UBASH3B: variants seen among roughly 807,000 people sequenced by gnomAD.
UBASH3B encodes the protein ubiquitin-associated and SH3 domain-containing protein B.
A neutral mutation model predicts 83.4 loss-of-function variants in UBASH3B; 37 were observed. The observed-to-expected ratio is 0.44, with a 90% confidence interval of 0.34 to 0.58. The LOEUF (loss-of-function observed/expected upper bound fraction) is 0.58. Among genes scored for constraint, UBASH3B ranks in the 20% least tolerant of loss-of-function variants. The pLI is 0.01. For missense variants in UBASH3B, 657 were observed against 827.2 expected (o/e 0.79, Z 2.52); for synonymous variants, 304 against 318.3 (o/e 0.96, Z 0.48).
chr11:122,688,793 C>T (rs1417675426), intron 1 of UBASH3B, among the ~76,000 whole-genome samples: 4 of 151,958 alleles, frequency 2.6e-5, no homozygotes, highest in East Asian at 1.9e-4. Flanking sequence ...TACAGGCGCC[C>T]GCCACCACGC....
At chr11:122,782,685 CT>C in intron 4 of UBASH3B, 1 of 171,512 alleles carries the variant, frequency 5.8e-6, no homozygotes, top group Non-Finnish European at 1.2e-5. Flanking sequence ...ATAAAACATG[CT>C]TTGTATTTCT....
intron 1 of UBASH3B, among the ~76,000 whole-genome samples, chr11:122,714,951 CTTG>C (rs958705410): frequency 2.6e-5 from 4 of 152,004 alleles, no homozygotes; most frequent in African/African-American, 4.8e-5. Flanking sequence ...TGTTGTTGTT[CTTG>C]TTGTTTTTTG....
At chr11:122,794,622 C>T (rs957758356) in intron 6 of UBASH3B, 80 bp from the exon 7 acceptor site, 1 of 1,587,518 alleles carries the variant, frequency 6.3e-7, no homozygotes, top group African/African-American at 1.3e-5. Context: ...AGTTAACTCC[C>T]ACACTCCTGT....
chr11:122,709,250 AC>A (rs1199457703), intron 1 of UBASH3B: 2 of 152,270 alleles, frequency 1.3e-5, no homozygotes, highest in Non-Finnish European at 2.9e-5. Context: ...CTGTCTCAAA[AC>A]AAACTATGTT....
intron 6 of UBASH3B, among the ~76,000 whole-genome samples, 160 bp downstream of exon 6, chr11:122,789,468 G>A (rs1452965871): frequency 6.6e-6 from 1 of 152,184 alleles, no homozygotes; most frequent in Non-Finnish European, 1.5e-5. Flanking sequence ...GGGAAAATGC[G>A]AAATGGATTG....
intron 1 of UBASH3B, among the ~76,000 whole-genome samples, chr11:122,767,544 C>T (rs1860569964): frequency 6.6e-6 from 1 of 152,138 alleles, no homozygotes; most frequent in South Asian, 2.1e-4. Flanking sequence ...ATCTCTTGAC[C>T]TCGTGATCCA....
chr11:122,780,734 G>C (rs1359816406), intron 4 of UBASH3B, among the ~76,000 whole-genome samples: 1 of 152,216 alleles, frequency 6.6e-6, no homozygotes, highest in Admixed American at 6.5e-5. Flanking sequence ...GGTGGCAGGA[G>C]CACAGGCAGG....
chr11:122,794,890 CTATT>C, intron 7 of UBASH3B, 56 bp downstream of exon 7: 1 of 1,605,128 alleles, frequency 6.2e-7, no homozygotes, highest in Non-Finnish European at 8.5e-7. Flanking sequence ...CACTGAGAAC[CTATT>C]TATTAAGCAT....
intron 1 of UBASH3B, among the ~76,000 whole-genome samples, chr11:122,747,529 G>A (rs555186342): frequency 3.3e-5 from 5 of 152,200 alleles, no homozygotes; most frequent in Non-Finnish European, 5.9e-5. Flanking sequence ...TGTGTCCTTA[G>A]AGAGTTATGA....
At chr11:122,662,725 C>T (rs1017225597) in intron 1 of UBASH3B, among the ~76,000 whole-genome samples, 4 of 152,182 alleles carry the variant, frequency 2.6e-5, no homozygotes, top group African/African-American at 9.6e-5. Flanking sequence ...GACACCACGC[C>T]CAGCCCAGTT....
At chr11:122,727,195 G>A (rs1384524557) in intron 1 of UBASH3B, among the ~76,000 whole-genome samples, 1 of 152,194 alleles carries the variant, frequency 6.6e-6, no homozygotes. Context: ...GCCTGCAAGT[G>A]CTCCCCCAGT....
chr11:122,664,866 C>A (rs1344785509), intron 1 of UBASH3B, among the ~76,000 whole-genome samples: 6 of 152,266 alleles, frequency 3.9e-5, no homozygotes, highest in African/African-American at 4.8e-5. Context: ...GTCAACTGCT[C>A]TTTTGAGCTG....
chr11:122,732,928 T>C (rs1189167304), intron 1 of UBASH3B, among the ~76,000 whole-genome samples: 1 of 152,166 alleles, frequency 6.6e-6, no homozygotes, highest in East Asian at 1.9e-4. Context: ...AATGTTAGTA[T>C]CTCTCTCAAT....
intron 1 of UBASH3B, among the ~76,000 whole-genome samples, chr11:122,699,367 G>A: frequency 6.6e-6 from 1 of 152,186 alleles, no homozygotes; most frequent in East Asian, 1.9e-4. Flanking sequence ...ATCTTAGGAA[G>A]CTGCTATGTG....
chr11:122,793,358 G>C (rs775752997), intron 6 of UBASH3B, among the ~76,000 whole-genome samples: 5 of 152,168 alleles, frequency 3.3e-5, no homozygotes, highest in African/African-American at 4.8e-5. Context: ...CCTTCAGCCT[G>C]GGCGACAAGA....
intron 1 of UBASH3B, among the ~76,000 whole-genome samples, chr11:122,744,972 C>T (rs1036707461): frequency 6.6e-6 from 1 of 151,622 alleles, no homozygotes; most frequent in African/African-American, 2.4e-5. Context: ...AGAGGACTTT[C>T]CTTGCAGGGG....
rs1861171324 is a variant in UBASH3B at position 122,797,171 on chromosome 11, T to C, written c.1357+138T>C. ...TTTCCTCAATTCAAAAGGAACTTAC[T>C]ACACAACCATTAAGTTTAGGACACT... On this transcript the variant is annotated intron_variant, in intron 9 of 13. Transcript: ENST00000284273. The C allele has an allele frequency of 2.5e-6, 3 of 1,214,728 alleles. No homozygotes were observed. In the East Asian group the frequency reaches 7.2e-5, roughly 29 times the overall value. 75.2% of individuals were successfully genotyped at this position (1,214,728 alleles called of 1,614,324 possible).
At chr11:122,751,806 T>A (rs1447147904) in intron 1 of UBASH3B, among the ~76,000 whole-genome samples, 1 of 152,182 alleles carries the variant, frequency 6.6e-6, no homozygotes, top group Non-Finnish European at 1.5e-5. Context: ...CCACATCACA[T>A]CCATCATTGT....
At chr11:122,804,543 G>T (rs563660341) in intron 11 of UBASH3B, among the ~76,000 whole-genome samples, 5 of 152,134 alleles carry the variant, frequency 3.3e-5, no homozygotes, top group African/African-American at 1.2e-4. Flanking sequence ...AGTTGCTAAC[G>T]GTGTTAGCAT....
Sources: allele counts gnomAD v4.1 joint callset (sites outside exome capture counted in the v4.1 genomes callset), GRCh38; gene constraint gnomAD v4.1.1; transcripts MANE v1.5; gene names NCBI Gene and HGNC (gene_info 2026-07-23, HGNC 2026-07-21).